The following CLTB variants were observed in gnomAD, a reference collection of about 807,000 sequenced individuals.
CLTB encodes the protein clathrin light chain B.
A neutral mutation model predicts 30.5 loss-of-function variants in CLTB; 10 were observed. The ratio of observed to expected loss-of-function variants is 0.33; its 90% CI spans 0.20 to 0.56. The LOEUF is 0.56. Ranked by LOEUF, CLTB falls within the 20% of genes least tolerant of loss-of-function variation. The pLI, the probability that CLTB is intolerant of heterozygous loss-of-function variation, is 0.91. For synonymous variants in CLTB, 102 were observed against 120.3 expected (o/e 0.85, Z 1.00); for missense variants, 261 against 308.3 (o/e 0.85, Z 1.15).
In CLTB at chr5:176,393,216, C is replaced by T. The variant is rs943285277; in HGVS notation, c.519-271G>A. Among the ~76,000 whole-genome samples, 4 of 152,136 alleles carry T rather than the reference C, an allele frequency of 2.6e-5. No homozygotes were observed. The highest frequency in any genetic ancestry group is 2.1e-4 in the South Asian group (1 of 4,822). ...GCTTCTTGTCATTCAGGTCTCAGTGCGGGCCTCACCTCCTCAGAAAGTCTT... is the reference window on the plus strand; with the variant it reads ...GCTTCTTGTCATTCAGGTCTCAGTGTGGGCCTCACCTCCTCAGAAAGTCTT... On this transcript the variant is annotated intron_variant, in intron 5 of 5. Coordinates refer to ENST00000310418, the MANE Select transcript of CLTB (RefSeq NM_007097.5). This position sits in a 1 kb window ranked among gnomAD's most constrained non-coding sequence, Gnocchi z 4.4.
chr5:176,413,171 C>T (rs184032889), intron 1 of CLTB, among the ~76,000 whole-genome samples: 53 of 152,300 alleles, frequency 3.5e-4, no homozygotes, highest in Admixed American at 3.0e-3. Context: ...CATCTACCAC[C>T]GGGAGTCCAC....
intron 1 of CLTB, 64 bp downstream of exon 1, chr5:176,416,113 G>C: frequency 7.1e-7 from 1 of 1,405,904 alleles, no homozygotes; most frequent in Non-Finnish European, 9.2e-7. Flanking sequence ...TGTGCCCCTG[G>C]GCCCCGGCCG....
rs1487753967 is a variant in CLTB at position 176,393,791 on chromosome 5, A to C, written c.519-846T>G. 6.6e-6 allele frequency among the ~76,000 whole-genome samples: 1 copy of C among 152,142 alleles called. No homozygotes were observed. The highest frequency in any genetic ancestry group is 1.5e-5 in the Non-Finnish European group (1 of 68,030). On this transcript the variant is annotated intron_variant, in intron 5 of 5. Coordinates refer to ENST00000310418, the MANE Select transcript of CLTB (RefSeq NM_007097.5). This position sits in a 1 kb window ranked among gnomAD's most constrained non-coding sequence, Gnocchi z 4.4. ...CTAAGGGACAGTGGGGAAACAAGTA[A>C]ATACAGTCTAGTGGACAAAATCTAC... is the stretch of plus-strand genomic sequence containing the variant.
rs1056919638 is a variant in CLTB, at chr5:176,393,900, C to T, written c.519-955G>A. On this transcript the variant is annotated intron_variant, in intron 5 of 5. Transcript: ENST00000310418. This position sits in a 1 kb window ranked among gnomAD's most constrained non-coding sequence, Gnocchi z 4.4. ...TATGTCCTGTTTGGCCAGCGAGGGT[C>T]GCTCACAAGTCCCTGGAAGCCCCCT... Among the ~76,000 whole-genome samples the T allele has an allele frequency of 3.3e-5, 5 of 152,176 alleles. No homozygotes were observed. Among genetic ancestry groups the T allele is most frequent in the African/African-American group, 7.2e-5 (3 of 41,442 alleles).
chr5:176,416,177 C>A lies in CLTB; in HGVS notation c.187G>T (p.Ala63Ser). 1 of 1,577,492 alleles carries A rather than the reference C, an allele frequency of 6.3e-7. No homozygotes were observed. Among genetic ancestry groups the A allele is most frequent in the Non-Finnish European group, 8.6e-7 (1 of 1,166,818 alleles). Residue 63 changes from alanine (A) to serine (S), a missense_variant and splice_region_variant, in exon 1 of 6, where the codon GCT (alanine) becomes TCT (serine). Around this residue, in one of 3 missense-constraint regions of CLTB, gnomAD observed 113 missense variants for 102.5 expected, o/e 1.10. Transcript: ENST00000310418. Reference sequence around the variant, plus strand: ...CTCTCCAGGCCCCGCGCTGACTCACCCCCACTCGTGGGGCCCGGCTGCGCG... The same window carrying A: ...CTCTCCAGGCCCCGCGCTGACTCACACCCACTCGTGGGGCCCGGCTGCGCG... The part of the protein sequence containing the change: ...APAQPGPTSG[A>S]GSEDMGTTVN...
chr5:176,394,004 G>A (rs1197992580), intron 5 of CLTB, among the ~76,000 whole-genome samples: 1 of 152,210 alleles, frequency 6.6e-6, no homozygotes, highest in Non-Finnish European at 1.5e-5. Flanking sequence ...AGCTGACCCC[G>A]GATCAGGTGA....
intron 2 of CLTB, among the ~76,000 whole-genome samples, chr5:176,409,207 C>A (rs768105730): frequency 6.6e-6 from 1 of 151,002 alleles, no homozygotes; most frequent in Non-Finnish European, 1.5e-5. Flanking sequence ...ATCTTCCAAC[C>A]TCATGATCCA....
intron 4 of CLTB, 135 bp downstream of exon 4, chr5:176,397,469 CCCT>C (rs538541524): frequency 2.9e-5 from 18 of 625,150 alleles, no homozygotes; most frequent in Admixed American, 7.5e-5. Context: ...CCCCACGGCC[CCCT>C]CATGTCCCCA....
chr5:176,401,658 C>T, intron 2 of CLTB: 1 of 449,282 alleles, frequency 2.2e-6, no homozygotes, highest in Non-Finnish European at 4.5e-6. Context: ...GGGCTGCCTC[C>T]TGCAATCGTC....
Position 176,392,525 on chromosome 5 carries a change from GA to G in CLTB, c.*248del, listed in dbSNP as rs1386650857. The G allele has an allele frequency of 4.5e-5, 23 of 509,842 alleles. No homozygotes were observed. The highest frequency in any genetic ancestry group is 1.9e-4 in the South Asian group (6 of 31,306). 31.6% of individuals were successfully genotyped at this position (509,842 alleles called of 1,614,324 possible). A position where few individuals can be genotyped will look rare whatever the true frequency, so the allele number is the denominator to read the frequency against. ...GTCAACAACACACCCTTTAAGCCAA[GA>G]AAAAAAATACATCAGGAGGGACAGT... On this transcript the variant is annotated 3_prime_UTR_variant, in exon 6 of 6. Coordinates refer to ENST00000310418, the MANE Select transcript of CLTB (RefSeq NM_007097.5). This position sits in a 1 kb window ranked among gnomAD's most constrained non-coding sequence, Gnocchi z 5.2.
intron 2 of CLTB, among the ~76,000 whole-genome samples, chr5:176,398,629 T>C (rs1031836224): frequency 7.3e-5 from 11 of 151,720 alleles, no homozygotes; most frequent in African/African-American, 2.4e-4. Flanking sequence ...GGAGAATCAC[T>C]TGAACCCGGG....
Position 176,416,184 on chromosome 5 carries a change from C to G in CLTB, c.180G>C (p.Thr60=). ...GGCCCCGCGCTGACTCACCCCCACT[C>G]GTGGGGCCCGGCTGCGCGGGGGCCG... is the stretch of plus-strand genomic sequence containing the variant. ...SHAAPAQPGP[T]SGAGSEDMGT... is the part of the protein sequence containing the mutation. The change falls in exon 1 of 6, where the codon ACG becomes ACC. Residue 60 remains threonine (T), a synonymous_variant. Transcript: ENST00000310418. 6.3e-7 allele frequency: 1 copy of G among 1,581,560 alleles called. No homozygotes were observed. Among genetic ancestry groups the G allele is most frequent in the Non-Finnish European group, 8.6e-7 (1 of 1,168,344 alleles).
At chr5:176,415,881 T>C (rs970068477) in intron 1 of CLTB, among the ~76,000 whole-genome samples, 2 of 152,100 alleles carry the variant, frequency 1.3e-5, no homozygotes, top group Admixed American at 1.3e-4. Context: ...CAGGAGGGAC[T>C]CTCAAAACTG....
chr5:176,411,367 A>G (rs566304845), intron 1 of CLTB, among the ~76,000 whole-genome samples: 85 of 152,138 alleles, frequency 5.6e-4, no homozygotes, highest in Middle Eastern at 3.4e-3. Flanking sequence ...TCCACTTCCC[A>G]TGGACCACAG....
intron 2 of CLTB, among the ~76,000 whole-genome samples, chr5:176,399,538 T>C (rs1344476021): frequency 1.3e-5 from 2 of 152,162 alleles, no homozygotes; most frequent in East Asian, 3.9e-4. Context: ...GGCCAGGAGT[T>C]TAAGACCAGC....
chr5:176,405,297 T>C (rs1757046015), intron 2 of CLTB, among the ~76,000 whole-genome samples: 1 of 151,982 alleles, frequency 6.6e-6, no homozygotes. Flanking sequence ...GAGACCAGCC[T>C]GGCCAATATA....
chr5:176,397,907 C>T (rs1181349516), intron 3 of CLTB, 23 bp downstream of exon 3: 2 of 1,605,084 alleles, frequency 1.2e-6, no homozygotes. Context: ...ACCCAGCCAA[C>T]CCCGCCTCAG....
At chr5:176,416,049 T>C (rs941070707) in intron 1 of CLTB, 128 bp downstream of exon 1, 2 of 838,220 alleles carry the variant, frequency 2.4e-6, no homozygotes, top group Non-Finnish European at 3.4e-6. Flanking sequence ...AAGAAGATTC[T>C]TCCCCACGTC....
chr5:176,405,365 T>C (rs1419007662), intron 2 of CLTB, among the ~76,000 whole-genome samples: 1 of 151,692 alleles, frequency 6.6e-6, no homozygotes, highest in Non-Finnish European at 1.5e-5. Flanking sequence ...TGGCCCTCCC[T>C]GTAGTCCCAG....
Sources: allele counts gnomAD v4.1 joint callset (sites outside exome capture counted in the v4.1 genomes callset), GRCh38; gene constraint gnomAD v4.1.1; regional missense constraint gnomAD v4.1.1; non-coding constraint Gnocchi (gnomAD v3.1); transcripts MANE v1.5; gene names NCBI Gene and HGNC (gene_info 2026-07-23, HGNC 2026-07-21).